Variants in NRXN1 observed in about 807,000 individuals in gnomAD.
NRXN1 encodes the protein neurexin 1, also known as neurexin-1.
A neutral mutation model predicts 150.9 loss-of-function variants in NRXN1; 39 were observed. The ratio of observed to expected loss-of-function variants is 0.26; its 90% CI spans 0.20 to 0.34. The LOEUF is 0.34. Ranked by LOEUF, NRXN1 falls within the 10% of genes least tolerant of loss-of-function variation. The pLI is 1.00. For synonymous variants in NRXN1, 924 were observed against 757.0 expected (o/e 1.22, Z -3.62); for missense variants, 1,815 against 1,949.9 (o/e 0.93, Z 1.30).
chr2:50,085,277 A>G (rs1698620733), intron 19 of NRXN1, among the ~76,000 whole-genome samples: 1 of 152,184 alleles, frequency 6.6e-6, no homozygotes, highest in Admixed American at 6.5e-5. Context: ...ACTATTTATT[A>G]AGCACCTTCT....
At chr2:50,924,036 G>C (rs1268678081) in intron 3 of NRXN1, among the ~76,000 whole-genome samples, 1 of 151,716 alleles carries the variant, frequency 6.6e-6, no homozygotes, top group East Asian at 1.9e-4. Context: ...AATTCATAGT[G>C]TTTTATATGC....
chr2:50,005,749 T>C (rs1684658735), intron 21 of NRXN1, among the ~76,000 whole-genome samples: 1 of 152,160 alleles, frequency 6.6e-6, no homozygotes, highest in South Asian at 2.1e-4. Context: ...TGCATTCTAA[T>C]TACCTTCTGC....
At chr2:50,008,950 C>T (rs965399493) in intron 21 of NRXN1, among the ~76,000 whole-genome samples, 11 of 152,038 alleles carry the variant, frequency 7.2e-5, no homozygotes, top group Admixed American at 5.9e-4. Flanking sequence ...TGATAAATTT[C>T]TTCATAAAAC....
Position 50,473,810 on chromosome 2 carries a change from G to C in NRXN1, c.3071-1339C>G, listed in dbSNP as rs1216949120. ...ATCCAGAAATATTCTGTCTTCTGCA[G>C]GCACCCATTAAACAGTAATAAGCTA... On this transcript the variant is annotated intron_variant, in intron 15 of 22. Coordinates refer to ENST00000401669, the MANE Select transcript of NRXN1 (RefSeq NM_001330078.2). 7.2e-5 allele frequency among the ~76,000 whole-genome samples: 11 copies of C among 152,078 alleles called. 2 individuals are homozygous for C. The South Asian group carries it at 1.7e-3, about 23-fold the overall frequency.
chr2:50,206,650 G>T (rs2062603119), intron 18 of NRXN1, among the ~76,000 whole-genome samples: 1 of 151,898 alleles, frequency 6.6e-6, no homozygotes, highest in African/African-American at 2.4e-5. Context: ...GGACCCTCAG[G>T]TTGACAATCT....
intron 17 of NRXN1, among the ~76,000 whole-genome samples, chr2:50,414,144 G>T (rs1179558349): frequency 6.6e-6 from 1 of 151,686 alleles, no homozygotes; most frequent in Admixed American, 6.6e-5. Flanking sequence ...ATCACAACAG[G>T]GTTACTATAT....
intron 17 of NRXN1, among the ~76,000 whole-genome samples, chr2:50,312,068 C>G (rs1575040285): frequency 6.6e-6 from 1 of 152,120 alleles, no homozygotes; most frequent in South Asian, 2.1e-4. Context: ...TAGTGTTAAC[C>G]ACTGTATTTA....
intron 5 of NRXN1, among the ~76,000 whole-genome samples, chr2:50,769,056 C>G (rs1413076828): frequency 6.6e-6 from 1 of 152,056 alleles, no homozygotes. Context: ...TCATTTTTAC[C>G]TATCAACAGT....
chr2:50,326,874 C>T (rs2076419558), intron 17 of NRXN1, among the ~76,000 whole-genome samples: 2 of 152,096 alleles, frequency 1.3e-5, no homozygotes, highest in South Asian at 4.1e-4. Flanking sequence ...TTGGAACACA[C>T]CTTAGGTATG....
intron 12 of NRXN1, among the ~76,000 whole-genome samples, chr2:50,507,228 G>C (rs1380418374): frequency 1.3e-5 from 2 of 152,084 alleles, no homozygotes; most frequent in Non-Finnish European, 2.9e-5. Flanking sequence ...TAAATTTATG[G>C]AATGTTGAGT....
intron 18 of NRXN1, among the ~76,000 whole-genome samples, chr2:50,123,107 T>C (rs990080775): frequency 1.3e-5 from 2 of 152,190 alleles, no homozygotes; most frequent in African/African-American, 4.8e-5. Context: ...CAGGCACTTT[T>C]CTAAATGCCA....
intron 15 of NRXN1, among the ~76,000 whole-genome samples, chr2:50,488,143 T>C (rs914095641): frequency 3.3e-5 from 5 of 152,212 alleles, no homozygotes; most frequent in Non-Finnish European, 5.9e-5. Flanking sequence ...AATTCTTGCA[T>C]AGCAGGTTAA....
intron 2 of NRXN1, among the ~76,000 whole-genome samples, chr2:50,927,520 C>A (rs1422284272): frequency 6.6e-6 from 1 of 151,940 alleles, no homozygotes; most frequent in African/African-American, 2.4e-5. Context: ...AGGAATTAGG[C>A]TGAATTTGTT....
At chr2:50,320,900 T>C (rs1017371803) in intron 17 of NRXN1, among the ~76,000 whole-genome samples, 3 of 152,172 alleles carry the variant, frequency 2.0e-5, no homozygotes, top group African/African-American at 7.2e-5. Flanking sequence ...TTCTATCCTC[T>C]GATAATTTGC....
At chr2:50,039,239 G>A (rs529994080) in intron 21 of NRXN1, among the ~76,000 whole-genome samples, 1 of 152,196 alleles carries the variant, frequency 6.6e-6, no homozygotes, top group African/African-American at 2.4e-5. Context: ...GCTGAGGAGG[G>A]TAGATCACCT....
At chr2:50,889,626 T>C (rs1166473598) in intron 5 of NRXN1, among the ~76,000 whole-genome samples, 1 of 151,744 alleles carries the variant, frequency 6.6e-6, no homozygotes, top group Non-Finnish European at 1.5e-5. Context: ...TGTAATTAAG[T>C]CCAAGGTTAT....
chr2:50,620,691 G>A (rs556243376), intron 7 of NRXN1, among the ~76,000 whole-genome samples: 2 of 152,270 alleles, frequency 1.3e-5, no homozygotes, highest in East Asian at 3.9e-4. Context: ...GCCAAAGGGA[G>A]AGAAAAGGCA....
Position 50,921,302 on chromosome 2 carries a change from T to C in NRXN1, c.832+567A>G, listed in dbSNP as rs186085481. Among the ~76,000 whole-genome samples the C allele has an allele frequency of 7.2e-5, 11 of 151,930 alleles. No homozygotes were observed. The East Asian group carries it at 2.1e-3, about 30-fold the overall frequency. ...AATGCGGGAATGCATAGCTAGTTGA[T>C]AATGCCCTTAAAACAAAGTTAGTAT... On this transcript the variant is annotated intron_variant, in intron 5 of 22. Transcript: ENST00000401669.
chr2:50,429,944 T>C (rs2084818761), intron 17 of NRXN1, among the ~76,000 whole-genome samples: 1 of 152,182 alleles, frequency 6.6e-6, no homozygotes, highest in Non-Finnish European at 1.5e-5. Flanking sequence ...AAAAATTGCA[T>C]TGATTTACAT....
Sources: allele counts gnomAD v4.1 joint callset (sites outside exome capture counted in the v4.1 genomes callset), GRCh38; gene constraint gnomAD v4.1.1; transcripts MANE v1.5; gene names NCBI Gene and HGNC (gene_info 2026-07-23, HGNC 2026-07-21).